ZMYM2: variants seen among roughly 807,000 people sequenced by gnomAD.
ZMYM2 encodes zinc finger MYM-type containing 2.
A neutral mutation model predicts 162.8 loss-of-function variants in ZMYM2; 56 were observed. That is an observed-to-expected ratio of 0.34 (90% CI 0.28 to 0.43). The LOEUF is 0.43. Among genes scored for constraint, ZMYM2 ranks in the 20% least tolerant of loss-of-function variants. The probability of loss-of-function intolerance (pLI) is 1.00; values close to 1 mark genes in which losing one functional copy is unlikely to be tolerated. For synonymous variants in ZMYM2, 510 were observed against 541.6 expected (o/e 0.94, Z 0.81); for missense variants, 1,275 against 1,621.8 (o/e 0.79, Z 3.67).
At chr13:20,029,878 A>G (rs942075598) in intron 9 of ZMYM2, among the ~76,000 whole-genome samples, 4 of 151,896 alleles carry the variant, frequency 2.6e-5, no homozygotes, top group East Asian at 1.9e-4. Flanking sequence ...GCTCGCTGCA[A>G]TCTCTGCCTC....
At chr13:19,931,150 T>TA in the ZMYM2 span, among the ~76,000 whole-genome samples, 1 of 133,752 alleles carries the variant, frequency 7.5e-6, no homozygotes, top group African/African-American at 2.8e-5. Flanking sequence ...AAAAAAAAAA[T>TA]AATAATAATA....
chr13:19,897,648 A>G, the ZMYM2 span, among the ~76,000 whole-genome samples: 1 of 152,026 alleles, frequency 6.6e-6, no homozygotes, highest in Non-Finnish European at 1.5e-5. Flanking sequence ...AAGGGTGACT[A>G]TACTAATACC....
chr13:20,063,432 G>T (rs1468845068), intron 18 of ZMYM2, among the ~76,000 whole-genome samples: 2 of 147,380 alleles, frequency 1.4e-5, no homozygotes, highest in East Asian at 3.9e-4. Context: ...AAAAATTCTA[G>T]AAGTAATTCA....
chr13:20,068,969 CTT>C (rs1173786467), intron 21 of ZMYM2, among the ~76,000 whole-genome samples: 1 of 152,024 alleles, frequency 6.6e-6, no homozygotes, highest in Non-Finnish European at 1.5e-5. Context: ...GATAATAAAA[CTT>C]TTAAAATCAA....
the ZMYM2 span, among the ~76,000 whole-genome samples, chr13:19,929,734 T>C: frequency 6.6e-6 from 1 of 152,206 alleles, no homozygotes; most frequent in East Asian, 1.9e-4. Flanking sequence ...TTACTATCAG[T>C]GGTTACTTGC....
chr13:19,930,715 T>C, the ZMYM2 span, among the ~76,000 whole-genome samples: 2 of 151,410 alleles, frequency 1.3e-5, no homozygotes, highest in Admixed American at 1.3e-4. Context: ...AATTTATGTA[T>C]TTTTAGTAGA....
At chr13:20,003,925 A>G (rs148497361) in intron 4 of ZMYM2, among the ~76,000 whole-genome samples, 363 of 152,310 alleles carry the variant, frequency 2.4e-3, no homozygotes, top group African/African-American at 8.5e-3. Context: ...CTGGGATTAT[A>G]GGCGTGAGCC....
chr13:20,075,704 G>T, intron 21 of ZMYM2, among the ~76,000 whole-genome samples: 1 of 55,618 alleles, frequency 1.8e-5, no homozygotes, highest in African/African-American at 9.4e-5. Flanking sequence ...TTTTTTTTTG[G>T]AGACAGAGTC....
the ZMYM2 span, among the ~76,000 whole-genome samples, chr13:19,915,415 T>TTTTCTTTCTTTCTTTCTTTCTTTCTTTC: frequency 2.4e-4 from 35 of 148,392 alleles, no homozygotes; most frequent in African/African-American, 9.0e-4. Context: ...CTTGCTTGCT[T>TTTTCTTTCTTTCTTTCTTTCTTTCTTTC]TTTCTTTCTT....
the ZMYM2 span, among the ~76,000 whole-genome samples, chr13:19,947,649 G>A: frequency 7.9e-6 from 1 of 125,898 alleles, no homozygotes; most frequent in East Asian, 2.6e-4. Flanking sequence ...AGTAGAGACG[G>A]GGTTTCACCA....
At chr13:19,940,445 T>C in the ZMYM2 span, among the ~76,000 whole-genome samples, 1 of 152,366 alleles carries the variant, frequency 6.6e-6, no homozygotes, top group East Asian at 1.9e-4. Flanking sequence ...GATTACATGA[T>C]ATTTACTACA....
At chr13:20,005,012 T>TA (rs1950639404) in intron 4 of ZMYM2, 62 bp from the exon 5 acceptor site, 5 of 1,392,144 alleles carry the variant, frequency 3.6e-6, no homozygotes, top group Non-Finnish European at 4.9e-6. Context: ...AAATGTCACT[T>TA]ATGACTCTTA....
intron 10 of ZMYM2, among the ~76,000 whole-genome samples, chr13:20,032,680 C>T (rs1953302394): frequency 2.3e-5 from 3 of 131,956 alleles, no homozygotes. Flanking sequence ...GTGATCTTGG[C>T]TCACTTCAAC....
chr13:20,052,626 G>A (rs1955467040), intron 14 of ZMYM2, among the ~76,000 whole-genome samples: 1 of 152,098 alleles, frequency 6.6e-6, no homozygotes, highest in African/African-American at 2.4e-5. Context: ...TAAGACAATG[G>A]CAATAGTATG....
chr13:19,934,224 G>C, the ZMYM2 span, among the ~76,000 whole-genome samples: 1 of 152,024 alleles, frequency 6.6e-6, no homozygotes, highest in Non-Finnish European at 1.5e-5. Flanking sequence ...GCAGTGGTGT[G>C]ATCTCAGCTC....
At chr13:19,999,684 CT>C (rs1307956779) in intron 3 of ZMYM2, among the ~76,000 whole-genome samples, 3 of 152,180 alleles carry the variant, frequency 2.0e-5, no homozygotes. Context: ...GTTGAAAAGC[CT>C]AGAAAGGCTG....
chr13:19,980,767 A>T (rs1957250273), intron 2 of ZMYM2, among the ~76,000 whole-genome samples: 1 of 151,548 alleles, frequency 6.6e-6, no homozygotes, highest in South Asian at 2.1e-4. Context: ...AAAAAAAAAA[A>T]AAAAAAAAAG....
At chr13:20,058,912 A>T (rs1212570648) in intron 15 of ZMYM2, 1 of 734,938 alleles carries the variant, frequency 1.4e-6, no homozygotes, top group East Asian at 2.8e-5. Context: ...ATAAAGGCCT[A>T]GAATACAAAT....
At chr13:20,060,956 A>G in intron 16 of ZMYM2, 97 bp from the exon 17 acceptor site, 1 of 1,159,572 alleles carries the variant, frequency 8.6e-7, no homozygotes, top group African/African-American at 1.6e-5. Flanking sequence ...ATCCAGTGTG[A>G]TATTACAAAG....
Sources: gnomAD v4.1 joint callset for allele counts (sites outside exome capture counted in the v4.1 genomes callset) on GRCh38, gnomAD v4.1.1 for gene constraint, MANE v1.5 for transcripts, NCBI Gene and HGNC (gene_info 2026-07-23, HGNC 2026-07-21) for gene names.